SLC35A5: variants seen among roughly 807,000 people sequenced by gnomAD.
SLC35A5 encodes solute carrier family 35 member A5.
In SLC35A5, 28 loss-of-function variants were observed where a neutral mutation model predicts 36.3. The observed-to-expected ratio is 0.77, with a 90% CI of 0.57 to 1.06. SLC35A5 has a LOEUF of 1.06. SLC35A5 is among the 50% of genes least tolerant of loss of function. The probability of loss-of-function intolerance (pLI) is 0.00; values close to 1 mark genes in which losing one functional copy is unlikely to be tolerated. For missense variants in SLC35A5, 521 were observed against 499.3 expected, an observed-to-expected ratio of 1.04 and a Z score of -0.41; for synonymous variants, 180 against 173.7, an observed-to-expected ratio of 1.04 and a Z score of -0.29.
Position 112,562,120 on chromosome 3 carries a change from A to G in SLC35A5, c.-173A>G, listed in dbSNP as rs553697910. 6.3e-5 allele frequency: 10 copies of G among 158,966 alleles called. No homozygotes were observed. The highest frequency in any genetic ancestry group is 1.7e-4 in the African/African-American group (7 of 41,612). The allele number at this position is 158,966 out of a possible 1,614,324, so 9.8% of individuals were successfully genotyped here. Reference sequence around the variant, plus strand: ...ACGTAATCGTGGTTTTTGTTCTGCAATAGGCGGCTTAGAGGGAGGGGCTTT... The same window carrying G: ...ACGTAATCGTGGTTTTTGTTCTGCAGTAGGCGGCTTAGAGGGAGGGGCTTT... On this transcript the variant is annotated 5_prime_UTR_variant, in exon 1 of 7. Coordinates refer to ENST00000492406, the MANE Select transcript of SLC35A5 (RefSeq NM_017945.5).
rs113136775 is a variant in SLC35A5, at chr3:112,570,160, C to T, written c.230-380C>T. On this transcript the variant is annotated intron_variant, in intron 3 of 6. Transcript: ENST00000492406. ...TATATATAAATTTCGATTTAGTATC[C>T]CCCTTTCCTGATTTGCCCTGGGGGG... Among the ~76,000 whole-genome samples, 333 of 151,866 alleles carry T rather than the reference C, an allele frequency of 2.2e-3. 3 individuals carry two copies. The highest frequency in any genetic ancestry group is 7.6e-3 in the African/African-American group (314 of 41,394).
rs750179998 is a variant in SLC35A5 at position 112,580,524 on chromosome 3, CT to C, written c.429-14del. On this transcript the variant is annotated intron_variant, in intron 5 of 6. Coordinates refer to ENST00000492406, the MANE Select transcript of SLC35A5 (RefSeq NM_017945.5). Reference sequence around the variant, plus strand: ...TATGGGGGGAAAACAGTAGTAAAATCTTTTTTTTCATCTTTGAACAGGAGGC... The same window carrying C: ...TATGGGGGGAAAACAGTAGTAAAATCTTTTTTTCATCTTTGAACAGGAGGC... 27 of 1,565,002 alleles carry C rather than the reference CT, an allele frequency of 1.7e-5. No individual in the cohort carries two copies. In the Admixed American group the frequency reaches 3.0e-4, roughly 17 times the overall value.
At chr3:112,562,763 C>G (rs1052879564) in intron 1 of SLC35A5, among the ~76,000 whole-genome samples, 1 of 152,186 alleles carries the variant, frequency 6.6e-6, no homozygotes, top group African/African-American at 2.4e-5. Context: ...AAATTATTTA[C>G]TAATAAGAGT....
At chr3:112,563,698 A>T (rs1315409808) in intron 2 of SLC35A5, among the ~76,000 whole-genome samples, 165 bp downstream of exon 2, 2 of 152,274 alleles carry the variant, frequency 1.3e-5, no homozygotes, top group African/African-American at 4.8e-5. Context: ...TTCCTCAACA[A>T]GAAAAAATGT....
rs1384025635 is a variant in SLC35A5 at position 112,584,077 on chromosome 3, A to G, written c.*1341A>G. The G allele has an allele frequency of 6.6e-6, 1 of 152,196 alleles. No homozygotes were observed. Among genetic ancestry groups the G allele is most frequent in the Non-Finnish European group, 1.5e-5 (1 of 68,026 alleles). The allele number at this position is 152,196 out of a possible 1,614,324, so 9.4% of individuals were successfully genotyped here. ...TGAATATAAGGTAATATACTATTAT[A>G]TAATTCATTTGTGATATCCACAATA... On this transcript the variant is annotated 3_prime_UTR_variant, in exon 7 of 7. Transcript: ENST00000492406.
intron 4 of SLC35A5, 103 bp from the exon 5 acceptor site, chr3:112,573,786 T>C: frequency 1.1e-6 from 1 of 902,016 alleles, no homozygotes; most frequent in Non-Finnish European, 1.8e-6. Flanking sequence ...CCCCTCTGTT[T>C]TTTGACCAAA....
At chr3:112,565,896 G>A (rs1432503531) in intron 2 of SLC35A5, among the ~76,000 whole-genome samples, 1 of 152,190 alleles carries the variant, frequency 6.6e-6, no homozygotes, top group African/African-American at 2.4e-5. Context: ...TGGGACCTTA[G>A]TCTCTAGGCC....
chr3:112,567,095 G>T (rs574766595), intron 2 of SLC35A5, among the ~76,000 whole-genome samples: 1 of 151,772 alleles, frequency 6.6e-6, no homozygotes, highest in Non-Finnish European at 1.5e-5. Flanking sequence ...GCGTGGTGGC[G>T]GGCACCTGTA....
Position 112,572,208 on chromosome 3 carries a change from C to G in SLC35A5, c.360+1538C>G, listed in dbSNP as rs542463554. Among the ~76,000 whole-genome samples the G allele has an allele frequency of 8.0e-4, 121 of 151,794 alleles. 1 individual carries two copies. The highest frequency in any genetic ancestry group is 2.8e-3 in the African/African-American group (118 of 41,438). On this transcript the variant is annotated intron_variant, in intron 4 of 6. Transcript: ENST00000492406. ...CCACCCGCCTCGGCCTCCCAAAGTG[C>G]TGGGATTACAGGCGTGAGCCACCGT...
chr3:112,566,061 A>C (rs965181729), intron 2 of SLC35A5, among the ~76,000 whole-genome samples: 1 of 152,262 alleles, frequency 6.6e-6, no homozygotes, highest in Non-Finnish European at 1.5e-5. Flanking sequence ...AGACTAACTT[A>C]GTGTTTTGGA....
chr3:112,571,593 A>G (rs957980905), intron 4 of SLC35A5, among the ~76,000 whole-genome samples: 5 of 152,204 alleles, frequency 3.3e-5, no homozygotes, highest in Admixed American at 2.0e-4. Flanking sequence ...TAATTTATAA[A>G]GGAAAGAGGT....
Position 112,569,215 on chromosome 3 carries a change from G to C in SLC35A5, c.175G>C (p.Glu59Gln). Residue 59 changes from glutamate to glutamine, a missense_variant, in exon 3 of 7, where the codon GAA becomes CAA. Physicochemically the swap from Glu to Gln is conservative, Grantham distance 29. Transcript: ENST00000492406. ...TCCAACTACTGTGAATGTGTGCTCA[G>C]AACTGGTGAAGCTAGTTTTCTGTGT... ...YLPTTVNVCS[E>Q]LVKLVFCVLV... is the part of the protein sequence containing the mutation. The C allele has an allele frequency of 6.2e-7, 1 of 1,613,990 alleles. No homozygotes were observed. Among genetic ancestry groups the C allele is most frequent in the Non-Finnish European group, 8.5e-7 (1 of 1,179,932 alleles).
chr3:112,569,300 TA>T, intron 3 of SLC35A5, 31 bp downstream of exon 3: 1 of 1,552,060 alleles, frequency 6.4e-7, no homozygotes, highest in Non-Finnish European at 8.9e-7. Flanking sequence ...ATATACTTGT[TA>T]ATCATAGGAC....
chr3:112,561,474 G>A (rs780693993), upstream of SLC35A5: 1 of 1,613,544 alleles, frequency 6.2e-7, no homozygotes, highest in Non-Finnish European at 8.5e-7. Context: ...ACCGGGGTCA[G>A]GTACTCAGCC....
At chr3:112,563,354 G>A in intron 1 of SLC35A5, 31 bp from the exon 2 acceptor site, 1 of 1,412,486 alleles carries the variant, frequency 7.1e-7, no homozygotes, top group Non-Finnish European at 9.4e-7. Context: ...CTGCCAACAA[G>A]GTCGTTCATG....
intron 6 of SLC35A5, 41 bp from the exon 7 acceptor site, chr3:112,582,630 T>G (rs775253406): frequency 6.6e-7 from 1 of 1,512,454 alleles, no homozygotes; most frequent in South Asian, 1.1e-5. Context: ...ATGCTACATT[T>G]CCAGTTTTGT....
At chr3:112,573,807 T>A in intron 4 of SLC35A5, 82 bp from the exon 5 acceptor site, 3 of 1,156,896 alleles carry the variant, frequency 2.6e-6, no homozygotes, top group Non-Finnish European at 3.8e-6. Context: ...AAGCTTTTTT[T>A]GTCAGGTGAA....
In SLC35A5 at chr3:112,580,912, C is replaced by T; in HGVS notation, c.795C>T (p.Phe265=). The T allele has an allele frequency of 6.2e-7, 1 of 1,614,140 alleles. No individual in the cohort carries two copies. The highest frequency in any genetic ancestry group is 1.1e-5 in the South Asian group (1 of 91,088). ...GGAACCAGCTCACTGAAAGCATCTT[C>T]ATACAGAACAGCAAACTCTATTTCT... ...KEGNQLTESI[F]IQNSKLYFFG... Residue 265 remains phenylalanine (F), a synonymous_variant, in exon 6 of 7, where the codon TTC becomes TTT. Coordinates refer to ENST00000492406, the MANE Select transcript of SLC35A5 (RefSeq NM_017945.5).
intron 2 of SLC35A5, among the ~76,000 whole-genome samples, chr3:112,567,095 G>A (rs574766595): frequency 6.6e-5 from 10 of 151,770 alleles, no homozygotes; most frequent in Non-Finnish European, 1.3e-4. Flanking sequence ...GCGTGGTGGC[G>A]GGCACCTGTA....
Sources: gnomAD v4.1 joint callset for allele counts (sites outside exome capture counted in the v4.1 genomes callset) on GRCh38, gnomAD v4.1.1 for gene constraint, MANE v1.5 for transcripts, NCBI Gene and HGNC (gene_info 2026-07-23, HGNC 2026-07-21) for gene names.